HPSE2: variants seen among roughly 807,000 people sequenced by gnomAD.
HPSE2 encodes heparanase 2 (inactive), also known as inactive heparanase-2.
A neutral mutation model predicts 60.5 loss-of-function variants in HPSE2; 38 were observed. The ratio of observed to expected loss-of-function variants is 0.63; its 90% CI spans 0.48 to 0.82. The LOEUF (loss-of-function observed/expected upper bound fraction) is 0.82. HPSE2 is among the 40% of genes least tolerant of loss of function. The probability of loss-of-function intolerance (pLI) is 0.00; values close to 1 mark genes in which losing one functional copy is unlikely to be tolerated. For synonymous variants in HPSE2, 295 were observed against 293.2 expected (o/e 1.01, Z -0.06); for missense variants, 713 against 740.4 (o/e 0.96, Z 0.43).
intron 3 of HPSE2, among the ~76,000 whole-genome samples, chr10:99,077,894 G>A (rs903187219): frequency 2.0e-5 from 3 of 152,148 alleles, no homozygotes; most frequent in African/African-American, 7.2e-5. Context: ...CTGGTAGTAG[G>A]TGTTTGAGTC....
rs181376727 is a variant in HPSE2, at chr10:99,040,271, C to T, written c.610+103967G>A. On this transcript the variant is annotated intron_variant, in intron 3 of 11. Coordinates refer to ENST00000370552, the MANE Select transcript of HPSE2 (RefSeq NM_021828.5). The stretch of plus-strand genomic sequence containing the variant: ...ATGGATATACCAAAATTTACCTAAT[C>T]GTTACTCTATTAATGCACATTTAAT... Among the ~76,000 whole-genome samples, 12 of 152,148 alleles carry T rather than the reference C, an allele frequency of 7.9e-5. No individual in the cohort carries two copies. The East Asian group carries it at 2.1e-3, about 27-fold the overall frequency.
intron 9 of HPSE2, among the ~76,000 whole-genome samples, chr10:98,540,298 C>T (rs1391380407): frequency 6.6e-6 from 1 of 152,156 alleles, no homozygotes; most frequent in African/African-American, 2.4e-5. Flanking sequence ...TATGTTTTCC[C>T]CTACTTTCTC....
chr10:98,917,212 T>C (rs1449376297), intron 3 of HPSE2, among the ~76,000 whole-genome samples: 1 of 151,962 alleles, frequency 6.6e-6, no homozygotes, highest in East Asian at 1.9e-4. Context: ...TGGGAAGAAT[T>C]TGAGAGGGAA....
chr10:99,228,709 A>C (rs1277228465), intron 2 of HPSE2, among the ~76,000 whole-genome samples: 2 of 152,250 alleles, frequency 1.3e-5, no homozygotes, highest in African/African-American at 4.8e-5. Context: ...AGAATAGTTA[A>C]CTGCATTAAA....
the HPSE2 span, among the ~76,000 whole-genome samples, chr10:99,260,441 C>T: frequency 2.4e-3 from 366 of 152,272 alleles, 1 homozygote; most frequent in African/African-American, 8.2e-3. Flanking sequence ...AGACCACCAG[C>T]CCAAGGAACA....
chr10:98,721,835 TA>T lies in HPSE2; in HGVS notation c.785-8del. 6.2e-7 allele frequency: 1 copy of T among 1,612,890 alleles called. No homozygotes were observed. The highest frequency in any genetic ancestry group is 1.1e-5 in the South Asian group (1 of 91,046). ...GTCCGATAGTTATTTGGCTCTAGAT[TA>T]AAAGCAGACATGTAAGTCAGAATGA... On this transcript the variant is annotated splice_polypyrimidine_tract_variant and splice_region_variant and intron_variant, in intron 4 of 11. Coordinates refer to ENST00000370552, the MANE Select transcript of HPSE2 (RefSeq NM_021828.5).
chr10:98,542,074 C>T (rs1943489221), intron 9 of HPSE2, among the ~76,000 whole-genome samples: 1 of 151,250 alleles, frequency 6.6e-6, no homozygotes, highest in African/African-American at 2.4e-5. Context: ...TGGGAGGCAC[C>T]CCCCAGTAGG....
chr10:99,281,173 TTAA>T, the HPSE2 span, among the ~76,000 whole-genome samples: 149 of 149,804 alleles, frequency 9.9e-4, no homozygotes, highest in East Asian at 5.6e-3. Context: ...CAATAACTTA[TTAA>T]TATTATCTTA....
intron 3 of HPSE2, among the ~76,000 whole-genome samples, chr10:98,920,155 C>G (rs1371720705): frequency 6.6e-6 from 1 of 152,192 alleles, no homozygotes; most frequent in Non-Finnish European, 1.5e-5. Context: ...AAGGCACAGT[C>G]AAGCTAAGCC....
chr10:98,660,521 G>A (rs1947193977), intron 6 of HPSE2, among the ~76,000 whole-genome samples: 2 of 152,110 alleles, frequency 1.3e-5, no homozygotes, highest in South Asian at 4.1e-4. Flanking sequence ...ATTTTAAAAG[G>A]TGCCCCTGGC....
At chr10:99,044,385 C>T (rs952587015) in intron 3 of HPSE2, among the ~76,000 whole-genome samples, 1 of 152,176 alleles carries the variant, frequency 6.6e-6, no homozygotes, top group Non-Finnish European at 1.5e-5. Context: ...AATAACAACA[C>T]CTGCTACCAC....
At chr10:98,767,768 TTAC>T (rs897995106) in intron 3 of HPSE2, among the ~76,000 whole-genome samples, 11 of 145,668 alleles carry the variant, frequency 7.6e-5, no homozygotes, top group Admixed American at 1.4e-4. Flanking sequence ...TAGTTATATA[TTAC>T]TACATCATAT....
At chr10:98,813,375 T>C (rs988964111) in intron 3 of HPSE2, among the ~76,000 whole-genome samples, 1 of 152,180 alleles carries the variant, frequency 6.6e-6, no homozygotes, top group Non-Finnish European at 1.5e-5. Flanking sequence ...GTCTCCTTCA[T>C]AGGCAGAATC....
At chr10:99,050,093 A>G (rs1957954609) in intron 3 of HPSE2, among the ~76,000 whole-genome samples, 1 of 152,168 alleles carries the variant, frequency 6.6e-6, no homozygotes, top group African/African-American at 2.4e-5. Flanking sequence ...CAGGCCAGAA[A>G]TTTAAGACCA....
chr10:98,922,833 G>C (rs1452414240), intron 3 of HPSE2, among the ~76,000 whole-genome samples: 1 of 152,100 alleles, frequency 6.6e-6, no homozygotes, highest in African/African-American at 2.4e-5. Flanking sequence ...TTCTCTTTAT[G>C]TCTTATTGTA....
At chr10:98,894,878 G>A (rs1208605047) in intron 3 of HPSE2, among the ~76,000 whole-genome samples, 2 of 151,396 alleles carry the variant, frequency 1.3e-5, no homozygotes, top group Non-Finnish European at 2.9e-5. Flanking sequence ...CAGCCAGAGA[G>A]AAAAGAAAAA....
At chr10:99,233,231 A>G (rs1020894949) in intron 1 of HPSE2, among the ~76,000 whole-genome samples, 10 of 152,076 alleles carry the variant, frequency 6.6e-5, no homozygotes, top group Admixed American at 2.6e-4. Context: ...ACACACACAC[A>G]GTAAAGGCAA....
intron 11 of HPSE2, among the ~76,000 whole-genome samples, chr10:98,477,244 T>C (rs1941058471): frequency 6.6e-6 from 1 of 152,220 alleles, no homozygotes; most frequent in Non-Finnish European, 1.5e-5. Context: ...TTAAAGTTTT[T>C]CATTATCTAT....
intron 3 of HPSE2, among the ~76,000 whole-genome samples, chr10:98,944,729 G>C (rs1955128310): frequency 6.6e-6 from 1 of 152,116 alleles, no homozygotes; most frequent in Non-Finnish European, 1.5e-5. Flanking sequence ...CACAATGCCT[G>C]CCTATTAGCT....
Sources: allele counts gnomAD v4.1 joint callset (sites outside exome capture counted in the v4.1 genomes callset), GRCh38; gene constraint gnomAD v4.1.1; transcripts MANE v1.5; gene names NCBI Gene and HGNC (gene_info 2026-07-23, HGNC 2026-07-21).